Variants in SNTG1 observed in about 807,000 individuals in gnomAD.
The protein encoded by SNTG1 is syntrophin gamma 1, also known as gamma-1-syntrophin.
SNTG1 carries 39 observed loss-of-function variants against 74.7 expected under a neutral mutation model. That is an observed-to-expected ratio of 0.52 (90% CI 0.40 to 0.68). SNTG1 has a LOEUF of 0.68. SNTG1 is among the 30% of genes least tolerant of loss of function. The pLI, the probability that SNTG1 is intolerant of heterozygous loss-of-function variation, is 0.00. For synonymous variants in SNTG1, 254 were observed against 217.1 expected (o/e 1.17, Z -1.49); for missense variants, 685 against 609.5 (o/e 1.12, Z -1.30).
chr8:49,976,443 T>G (rs1585737308), intron 1 of SNTG1, among the ~76,000 whole-genome samples: 1 of 152,290 alleles, frequency 6.6e-6, no homozygotes, highest in South Asian at 2.1e-4. Context: ...AAGCAGATAG[T>G]TCCCTAGTTT....
chr8:50,211,640 A>G (rs1456652902), intron 2 of SNTG1, among the ~76,000 whole-genome samples: 1 of 152,184 alleles, frequency 6.6e-6, no homozygotes, highest in Non-Finnish European at 1.5e-5. Flanking sequence ...TCTAAGAGAA[A>G]TGAAACAATT....
chr8:50,400,748 T>C (rs2092792789), intron 3 of SNTG1, among the ~76,000 whole-genome samples: 1 of 152,134 alleles, frequency 6.6e-6, no homozygotes, highest in African/African-American at 2.4e-5. Context: ...TTCCTTATAG[T>C]AAGTGATGTT....
intron 17 of SNTG1, among the ~76,000 whole-genome samples, chr8:50,722,731 G>A (rs906487604): frequency 6.6e-5 from 10 of 152,132 alleles, no homozygotes; most frequent in Non-Finnish European, 1.5e-4. Context: ...AACTCCAGTA[G>A]TAAAAGTGCT....
rs1585817955 is a variant in SNTG1 at position 50,796,327 on chromosome 8, A to G, written c.*3498A>G. ...TACTATTAATATTGCTGTGCTCATA[A>G]TTTCTCCTTATGAAATTGCTTTATT... On this transcript the variant is annotated 3_prime_UTR_variant, in exon 19 of 19. Coordinates refer to ENST00000642720, the MANE Select transcript of SNTG1 (RefSeq NM_018967.5). The G allele has an allele frequency of 1.3e-5, 2 of 152,054 alleles. No homozygotes were observed. Among genetic ancestry groups the G allele is most frequent in the South Asian group, 4.1e-4 (2 of 4,828 alleles). 9.4% of individuals were successfully genotyped at this position (152,054 alleles called of 1,614,324 possible).
chr8:50,002,222 G>A (rs895909502), intron 1 of SNTG1, among the ~76,000 whole-genome samples: 2 of 152,144 alleles, frequency 1.3e-5, no homozygotes, highest in Non-Finnish European at 2.9e-5. Context: ...AACTCCAAAT[G>A]TTTTCCTCCT....
intron 17 of SNTG1, among the ~76,000 whole-genome samples, chr8:50,749,993 A>T (rs2095563655): frequency 6.6e-6 from 1 of 152,062 alleles, no homozygotes; most frequent in Non-Finnish European, 1.5e-5. Context: ...TAACATAGAT[A>T]AAGTGATTCC....
At chr8:50,375,952 AG>A (rs1169949853) in intron 2 of SNTG1, among the ~76,000 whole-genome samples, 1 of 152,206 alleles carries the variant, frequency 6.6e-6, no homozygotes, top group African/African-American at 2.4e-5. Context: ...GAATCTCTAT[AG>A]ATGGCAATTC....
intron 13 of SNTG1, among the ~76,000 whole-genome samples, chr8:50,633,374 C>A (rs774253166): frequency 2.0e-5 from 3 of 152,074 alleles, no homozygotes; most frequent in Non-Finnish European, 4.4e-5. Flanking sequence ...TGTTTCTGCC[C>A]TGGGCATTAA....
intron 8 of SNTG1, among the ~76,000 whole-genome samples, chr8:50,501,566 G>T (rs1033422517): frequency 4.0e-5 from 6 of 149,468 alleles, no homozygotes; most frequent in African/African-American, 1.5e-4. Context: ...CTCCCGAGTA[G>T]CTAGGATTAC....
chr8:49,960,946 G>A (rs1420676103), intron 1 of SNTG1, among the ~76,000 whole-genome samples: 3 of 152,118 alleles, frequency 2.0e-5, no homozygotes, highest in Non-Finnish European at 4.4e-5. Flanking sequence ...CACAGGAAGA[G>A]CATTATCAGG....
intron 1 of SNTG1, among the ~76,000 whole-genome samples, chr8:50,157,227 T>C (rs982092334): frequency 6.6e-5 from 10 of 152,084 alleles, no homozygotes; most frequent in Non-Finnish European, 1.3e-4. Flanking sequence ...TGGTAGTATT[T>C]CATTTGTTTG....
At chr8:50,583,762 T>C (rs1402077516) in intron 12 of SNTG1, among the ~76,000 whole-genome samples, 2 of 151,744 alleles carry the variant, frequency 1.3e-5, no homozygotes, top group Non-Finnish European at 2.9e-5. Context: ...TTCAGATTTG[T>C]TTTTTCTTTT....
intron 12 of SNTG1, among the ~76,000 whole-genome samples, chr8:50,563,875 C>T (rs1405749790): frequency 2.0e-5 from 3 of 152,082 alleles, no homozygotes; most frequent in African/African-American, 7.2e-5. Flanking sequence ...ACAGCTCTCT[C>T]CTGGAAATCT....
chr8:50,772,327 A>G (rs990401408), intron 18 of SNTG1, among the ~76,000 whole-genome samples: 3 of 152,146 alleles, frequency 2.0e-5, no homozygotes, highest in African/African-American at 7.2e-5. Flanking sequence ...AAATAAAATT[A>G]TCCTGGAGCC....
intron 2 of SNTG1, among the ~76,000 whole-genome samples, chr8:50,371,578 T>C (rs1349445118): frequency 6.6e-6 from 1 of 152,190 alleles, no homozygotes; most frequent in Non-Finnish European, 1.5e-5. Flanking sequence ...AGCCCCTTTG[T>C]TTTCTTATTG....
chr8:50,164,757 A>T (rs1441750361), intron 1 of SNTG1, among the ~76,000 whole-genome samples: 1 of 152,228 alleles, frequency 6.6e-6, no homozygotes, highest in Non-Finnish European at 1.5e-5. Flanking sequence ...TTATGTTAAC[A>T]GTTGGGAAAC....
chr8:50,524,371 T>A (rs1406607584), intron 9 of SNTG1, among the ~76,000 whole-genome samples: 2 of 152,080 alleles, frequency 1.3e-5, no homozygotes, highest in African/African-American at 4.8e-5. Context: ...AATGGACAAA[T>A]ATACTTGTTA....
intron 2 of SNTG1, among the ~76,000 whole-genome samples, chr8:50,262,081 G>A (rs2087221332): frequency 6.6e-6 from 1 of 151,974 alleles, no homozygotes; most frequent in African/African-American, 2.4e-5. Context: ...CCAAATACTA[G>A]AAGATTAAAT....
intron 13 of SNTG1, among the ~76,000 whole-genome samples, chr8:50,638,101 G>A (rs116357286): frequency 6.6e-6 from 1 of 152,082 alleles, no homozygotes; most frequent in African/African-American, 2.4e-5. Context: ...TGTTACACTG[G>A]TGGCTTTCCA....
Sources: allele counts gnomAD v4.1 joint callset (sites outside exome capture counted in the v4.1 genomes callset), GRCh38; gene constraint gnomAD v4.1.1; transcripts MANE v1.5; gene names NCBI Gene and HGNC (gene_info 2026-07-23, HGNC 2026-07-21).